FGF14: variants seen among roughly 807,000 people sequenced by gnomAD.
FGF14 encodes the protein fibroblast growth factor homologous factor 4.
A neutral mutation model predicts 25.5 loss-of-function variants in FGF14; 5 were observed. That is an observed-to-expected ratio of 0.20 (90% CI 0.10 to 0.41). The LOEUF (loss-of-function observed/expected upper bound fraction) is 0.41, where lower values mean the gene tolerates loss of function less well. FGF14 is among the 10% of genes least tolerant of loss of function. FGF14 has a pLI of 1.00. For synonymous variants in FGF14, 138 were observed against 118.3 expected, an observed-to-expected ratio of 1.17 and a Z score of -1.08; for missense variants, 222 against 320.1, an observed-to-expected ratio of 0.69 and a Z score of 2.34.
intron 4 of FGF14, among the ~76,000 whole-genome samples, chr13:101,724,739 AAATT>A (rs1330691211): frequency 6.6e-6 from 1 of 150,478 alleles, no homozygotes; most frequent in African/African-American, 2.4e-5. Context: ...TGAAAGTTTG[AAATT>A]AATTTTCCTC....
intron 1 of FGF14, among the ~76,000 whole-genome samples, chr13:102,219,031 G>A (rs2050496535): frequency 6.6e-6 from 1 of 152,044 alleles, no homozygotes; most frequent in African/African-American, 2.4e-5. Flanking sequence ...ATCACATCAG[G>A]GAAAATGGGG....
intron 1 of FGF14, among the ~76,000 whole-genome samples, chr13:102,287,153 A>G (rs974086994): frequency 3.3e-5 from 5 of 152,202 alleles, no homozygotes; most frequent in African/African-American, 1.2e-4. Context: ...ACAGAAAACA[A>G]AACAGTATTT....
intron 1 of FGF14, among the ~76,000 whole-genome samples, chr13:102,040,791 C>G (rs1167289122): frequency 6.6e-6 from 1 of 152,122 alleles, no homozygotes; most frequent in Non-Finnish European, 1.5e-5. Flanking sequence ...GGGAAAATTG[C>G]AGTGCCTGTC....
intron 1 of FGF14, among the ~76,000 whole-genome samples, chr13:102,158,488 G>T (rs2047456677): frequency 6.7e-6 from 1 of 149,824 alleles, no homozygotes; most frequent in African/African-American, 2.5e-5. Context: ...CATGGACACA[G>T]GAAGGGGAAC....
chr13:102,136,522 T>C (rs1332354828), intron 1 of FGF14, among the ~76,000 whole-genome samples: 1 of 152,150 alleles, frequency 6.6e-6, no homozygotes, highest in African/African-American at 2.4e-5. Flanking sequence ...GAAAATGGGC[T>C]CCCTGATTCA....
chr13:102,140,788 A>G (rs909895033), intron 1 of FGF14, among the ~76,000 whole-genome samples: 13 of 152,210 alleles, frequency 8.5e-5, no homozygotes, highest in African/African-American at 2.9e-4. Context: ...GAGAAAATTC[A>G]AGAATAGAAA....
chr13:102,104,878 A>T (rs527834857), intron 1 of FGF14, among the ~76,000 whole-genome samples: 1 of 152,292 alleles, frequency 6.6e-6, no homozygotes, highest in East Asian at 1.9e-4. Context: ...TTGCCCCTGA[A>T]ATCACCATCC....
intron 1 of FGF14, among the ~76,000 whole-genome samples, chr13:102,356,948 T>TATATATAC (rs1262647370): frequency 1.3e-5 from 2 of 148,434 alleles, no homozygotes; most frequent in African/African-American, 5.0e-5. Context: ...TATATATATA[T>TATATATAC]ACACACAAAC....
chr13:101,914,539 C>A (rs180809969), intron 1 of FGF14, among the ~76,000 whole-genome samples: 20 of 152,160 alleles, frequency 1.3e-4, no homozygotes, highest in Admixed American at 1.2e-3. Flanking sequence ...ATCAGGAATA[C>A]CAACAGAGCA....
chr13:101,806,451 A>G, intron 3 of FGF14, among the ~76,000 whole-genome samples: 1 of 151,666 alleles, frequency 6.6e-6, no homozygotes, highest in East Asian at 1.9e-4. Context: ...GAAGAAAAAT[A>G]TATGTATATG....
intron 1 of FGF14, among the ~76,000 whole-genome samples, chr13:102,095,593 ATC>A (rs1288718686): frequency 1.3e-5 from 2 of 152,132 alleles, no homozygotes. Context: ...CCACCTCTCC[ATC>A]TCTGTCACCT....
intron 1 of FGF14, among the ~76,000 whole-genome samples, chr13:101,970,778 T>C (rs184349813): frequency 5.6e-4 from 86 of 152,310 alleles, no homozygotes; most frequent in African/African-American, 2.1e-3. Context: ...TCATCTATTC[T>C]TCTGTTTTGT....
At chr13:102,279,917 T>C (rs561549925) in intron 1 of FGF14, among the ~76,000 whole-genome samples, 1 of 152,304 alleles carries the variant, frequency 6.6e-6, no homozygotes, top group Admixed American at 6.5e-5. Context: ...CCTAATATTA[T>C]ACAGATTCTT....
At chr13:102,043,885 G>A (rs2140012093) in intron 1 of FGF14, among the ~76,000 whole-genome samples, 1 of 152,274 alleles carries the variant, frequency 6.6e-6, no homozygotes, top group African/African-American at 2.4e-5. Context: ...ATCCTACCTA[G>A]CAACTGGATT....
upstream of FGF14, among the ~76,000 whole-genome samples, chr13:101,917,968 A>G (rs1298022814): frequency 6.6e-5 from 10 of 152,198 alleles, no homozygotes; most frequent in Non-Finnish European, 2.9e-5. Context: ...TTCCAGGGAC[A>G]GTGAAAAGCA....
chr13:102,360,271 C>A (rs2057529874), intron 1 of FGF14, among the ~76,000 whole-genome samples: 1 of 152,164 alleles, frequency 6.6e-6, no homozygotes, highest in African/African-American at 2.4e-5. Context: ...GCATAGCATA[C>A]AATTTCCAGA....
chr13:101,766,587 ATAT>A (rs1175195789), intron 3 of FGF14, among the ~76,000 whole-genome samples: 1 of 152,228 alleles, frequency 6.6e-6, no homozygotes, highest in East Asian at 1.9e-4. Context: ...AAGTTGAGTA[ATAT>A]GAGTGCAGTA....
intron 1 of FGF14, 107 bp from the exon 2 acceptor site, chr13:101,875,403 A>C: frequency 1.3e-6 from 1 of 765,688 alleles, no homozygotes; most frequent in Non-Finnish European, 2.3e-6. Context: ...TTATACAAGT[A>C]GCATATTTTA....
chr13:102,304,420 C>T (rs1377930215), intron 1 of FGF14, among the ~76,000 whole-genome samples: 1 of 152,116 alleles, frequency 6.6e-6, no homozygotes, highest in African/African-American at 2.4e-5. Flanking sequence ...AACACGGGTT[C>T]TCTATTCAAC....
Sources: gnomAD v4.1 joint callset for allele counts (sites outside exome capture counted in the v4.1 genomes callset) on GRCh38, gnomAD v4.1.1 for gene constraint, MANE v1.5 for transcripts, NCBI Gene and HGNC (gene_info 2026-07-23, HGNC 2026-07-21) for gene names.